Variants in RGS6 observed in about 807,000 individuals in gnomAD.
The protein encoded by RGS6 is regulator of G-protein signaling 6.
RGS6 carries 30 observed loss-of-function variants against 78.5 expected under a neutral mutation model. The ratio of observed to expected loss-of-function variants is 0.38; its 90% CI spans 0.29 to 0.52. The LOEUF is 0.52. Ranked by LOEUF, RGS6 falls within the 20% of genes least tolerant of loss-of-function variation. The pLI is 0.85. For missense variants in RGS6, 495 were observed against 609.7 expected (o/e 0.81, Z 1.98); for synonymous variants, 206 against 206.0 (o/e 1.00, Z 0.00).
At chr14:71,919,876 C>G in the RGS6 span, among the ~76,000 whole-genome samples, 1 of 152,074 alleles carries the variant, frequency 6.6e-6, no homozygotes, top group African/African-American at 2.4e-5. Context: ...TGCCTGTAAT[C>G]CCAGCTACTC....
At chr14:71,919,305 C>T in the RGS6 span, among the ~76,000 whole-genome samples, 656 of 152,270 alleles carry the variant, frequency 4.3e-3, 2 homozygotes, top group Middle Eastern at 0.034. Flanking sequence ...CAACAGCCTT[C>T]CTCTAACTCT....
intron 2 of RGS6, among the ~76,000 whole-genome samples, chr14:72,002,395 G>A (rs1449093718): frequency 1.3e-5 from 2 of 152,152 alleles, no homozygotes; most frequent in East Asian, 3.9e-4. Flanking sequence ...TTAGACATTA[G>A]TGTTTTCTTT....
chr14:71,909,668 A>G, the RGS6 span, among the ~76,000 whole-genome samples: 1 of 152,100 alleles, frequency 6.6e-6, no homozygotes, highest in Admixed American at 6.5e-5. Context: ...TCTCTATTCA[A>G]GAAGGAGCTA....
the RGS6 span, among the ~76,000 whole-genome samples, chr14:71,911,895 G>T: frequency 1.3e-5 from 2 of 152,178 alleles, no homozygotes; most frequent in East Asian, 3.8e-4. Context: ...GATTATAGGA[G>T]GAGCTATGAA....
At chr14:71,950,972 G>T (rs2092254151) in intron 1 of RGS6, among the ~76,000 whole-genome samples, 1 of 152,108 alleles carries the variant, frequency 6.6e-6, no homozygotes, top group African/African-American at 2.4e-5. Flanking sequence ...GTGTAAATTG[G>T]ATCAACCATT....
intron 2 of RGS6, among the ~76,000 whole-genome samples, chr14:72,018,326 G>A (rs2087553272): frequency 6.6e-6 from 1 of 151,730 alleles, no homozygotes; most frequent in African/African-American, 2.4e-5. Context: ...ATTATTTCTA[G>A]TCCTTGGGGC....
chr14:72,274,576 T>C (rs2060402202), intron 2 of RGS6, among the ~76,000 whole-genome samples: 1 of 152,222 alleles, frequency 6.6e-6, no homozygotes, highest in Non-Finnish European at 1.5e-5. Flanking sequence ...TGTTACCTTA[T>C]GTGGCAAAAG....
chr14:72,562,868 C>A lies in RGS6; in HGVS notation c.*401C>A. 1.0e-6 allele frequency: 1 copy of A among 979,100 alleles called. No homozygotes were observed. Among genetic ancestry groups the A allele is most frequent in the Non-Finnish European group, 1.6e-6 (1 of 640,196 alleles). 60.7% of individuals were successfully genotyped at this position (979,100 alleles called of 1,614,324 possible). A position where few individuals can be genotyped will look rare whatever the true frequency, so the allele number is the denominator to read the frequency against. On this transcript the variant is annotated 3_prime_UTR_variant, in exon 18 of 18. Transcript: ENST00000553525. ...AGACGGTCACACCTTCTGGCAAATT[C>A]AAGAGGCATGAGTGGACCGAGAGCA...
At chr14:72,340,010 GC>G (rs2076699214) in intron 2 of RGS6, among the ~76,000 whole-genome samples, 1 of 152,080 alleles carries the variant, frequency 6.6e-6, no homozygotes, top group Non-Finnish European at 1.5e-5. Flanking sequence ...TCCTCAAGGG[GC>G]CCCTCTGCTA....
rs557303778 is a variant in RGS6 at position 72,365,154 on chromosome 14, A to G, written c.184+12960A>G. ...GTAGTGGATCAAATGAGCCTGGACA[A>G]GAAACTCTAAATGGAAAGTTTTAGA... On this transcript the variant is annotated intron_variant, in intron 3 of 17. Transcript: ENST00000553525. Among the ~76,000 whole-genome samples, 106 of 152,366 alleles carry G rather than the reference A, an allele frequency of 7.0e-4. 1 individual carries two copies. Among genetic ancestry groups the G allele is most frequent in the African/African-American group, 2.3e-3 (96 of 41,588 alleles).
At chr14:71,929,826 T>C (rs954403987), upstream of RGS6, among the ~76,000 whole-genome samples, 1 of 152,040 alleles carries the variant, frequency 6.6e-6, no homozygotes, top group Non-Finnish European at 1.5e-5. Context: ...TGGACTCTTA[T>C]TTTACTCAAA....
chr14:72,390,881 G>T (rs914739946), intron 3 of RGS6, among the ~76,000 whole-genome samples: 1 of 152,130 alleles, frequency 6.6e-6, no homozygotes, highest in Non-Finnish European at 1.5e-5. Flanking sequence ...TTTATTCCAG[G>T]ACTGAGATGT....
chr14:72,199,636 A>G (rs1331597455), intron 2 of RGS6, among the ~76,000 whole-genome samples: 1 of 152,176 alleles, frequency 6.6e-6, no homozygotes, highest in African/African-American at 2.4e-5. Context: ...GGGAGATGTG[A>G]TATGCTCTCC....
chr14:72,348,017 C>T (rs1342934759), intron 2 of RGS6, among the ~76,000 whole-genome samples: 1 of 152,196 alleles, frequency 6.6e-6, no homozygotes, highest in Non-Finnish European at 1.5e-5. Flanking sequence ...GGAACTCACT[C>T]TGGGATCCAC....
chr14:72,020,272 T>C (rs2088102505), intron 2 of RGS6, among the ~76,000 whole-genome samples: 1 of 152,242 alleles, frequency 6.6e-6, no homozygotes, highest in Non-Finnish European at 1.5e-5. Context: ...AAGGAAAGGA[T>C]TGGGCCAAAG....
chr14:72,113,805 G>A (rs2095826627), intron 2 of RGS6, among the ~76,000 whole-genome samples: 2 of 152,154 alleles, frequency 1.3e-5, no homozygotes, highest in South Asian at 4.1e-4. Context: ...TCCAAAGCAA[G>A]TCGCATGGCT....
chr14:72,331,618 CCT>C (rs149801430), intron 2 of RGS6, among the ~76,000 whole-genome samples: 7 of 149,632 alleles, frequency 4.7e-5, no homozygotes, highest in Admixed American at 1.3e-4. Context: ...GTGTCATCAT[CCT>C]CTCTCTCTCT....
chr14:72,622,315 T>C, the RGS6 span, among the ~76,000 whole-genome samples: 1 of 152,018 alleles, frequency 6.6e-6, no homozygotes, highest in African/African-American at 2.4e-5. Context: ...AAAAAAAGAC[T>C]GAAAAGGAAC....
chr14:72,405,559 C>T (rs2092841478), intron 3 of RGS6, among the ~76,000 whole-genome samples: 1 of 152,116 alleles, frequency 6.6e-6, no homozygotes, highest in Admixed American at 6.5e-5. Context: ...TTCCATCTTC[C>T]CAGGTTGATT....
Sources: allele counts gnomAD v4.1 joint callset (sites outside exome capture counted in the v4.1 genomes callset), GRCh38; gene constraint gnomAD v4.1.1; transcripts MANE v1.5; gene names NCBI Gene and HGNC (gene_info 2026-07-23, HGNC 2026-07-21).